The following KLRG1 variants were observed in gnomAD, a reference collection of about 807,000 sequenced individuals.
KLRG1 encodes killer cell lectin-like receptor subfamily G member 1.
In KLRG1, 16 loss-of-function variants were observed where a neutral mutation model predicts 21.8. The ratio of observed to expected loss-of-function variants is 0.73; its 90% CI spans 0.50 to 1.11. KLRG1 has a LOEUF of 1.11. Among genes scored for constraint, KLRG1 ranks in the 50% most tolerant of loss-of-function variants. The pLI, the probability that KLRG1 is intolerant of heterozygous loss-of-function variation, is 0.00. For synonymous variants in KLRG1, 69 were observed against 75.9 expected (o/e 0.91, Z 0.47); for missense variants, 173 against 218.3 (o/e 0.79, Z 1.31).
chr12:8,967,357 A>G (rs1025554594), intron 1 of KLRG1, among the ~76,000 whole-genome samples: 9 of 152,150 alleles, frequency 5.9e-5, no homozygotes, highest in African/African-American at 2.2e-4. Context: ...ATAAAATAAA[A>G]TAAAATAAAT....
At chr12:9,206,680 G>A in the KLRG1 span, among the ~76,000 whole-genome samples, 1 of 152,100 alleles carries the variant, frequency 6.6e-6, no homozygotes, top group African/African-American at 2.4e-5. Flanking sequence ...CACATCAAGG[G>A]TTAATTCTGG....
chr12:9,050,704 G>A, the KLRG1 span, among the ~76,000 whole-genome samples: 62 of 152,202 alleles, frequency 4.1e-4, 1 homozygote, highest in South Asian at 5.4e-3. Flanking sequence ...CCTGGGCCTC[G>A]CGCTCCACGG....
the KLRG1 span, among the ~76,000 whole-genome samples, chr12:9,179,433 G>A: frequency 6.6e-6 from 1 of 152,122 alleles, no homozygotes; most frequent in Non-Finnish European, 1.5e-5. Context: ...ATCACGACAT[G>A]CCAAGTGTCA....
At chr12:9,161,585 T>C in the KLRG1 span, among the ~76,000 whole-genome samples, 1 of 152,192 alleles carries the variant, frequency 6.6e-6, no homozygotes, top group African/African-American at 2.4e-5. Flanking sequence ...CTCTCCACTT[T>C]TGTAGCAATA....
At chr12:9,052,292 T>C in the KLRG1 span, among the ~76,000 whole-genome samples, 3 of 152,320 alleles carry the variant, frequency 2.0e-5, no homozygotes, top group South Asian at 6.2e-4. Context: ...ACATAATCTT[T>C]AAATAAAGAG....
intron 4 of KLRG1, among the ~76,000 whole-genome samples, 162 bp downstream of exon 4, chr12:9,009,237 C>CAAAA (rs112576720): frequency 0.052 from 5,543 of 107,546 alleles, 145 homozygotes; most frequent in African/African-American, 0.067. Flanking sequence ...TGGGTAAGGG[C>CAAAA]AAAAAAAAAA....
the KLRG1 span, chr12:9,208,496 T>C: frequency 3.4e-6 from 2 of 593,046 alleles, no homozygotes; most frequent in South Asian, 4.1e-5. Context: ...ACAGATTCCC[T>C]AAAAGGGTCA....
At chr12:9,019,927 T>C in the KLRG1 span, among the ~76,000 whole-genome samples, 1 of 152,148 alleles carries the variant, frequency 6.6e-6, no homozygotes, top group African/African-American at 2.4e-5. Context: ...TTCTTGTCTC[T>C]GTTAACAAAG....
At chr12:8,966,778 C>G (rs200495771) in intron 1 of KLRG1, among the ~76,000 whole-genome samples, 33,621 of 120,934 alleles carry the variant, frequency 0.28, 4,521 homozygotes, top group Middle Eastern at 0.39. Context: ...TCAGTGTGGC[C>G]ATTCCTCAGG....
At chr12:9,007,363 C>T (rs1486058901) in intron 3 of KLRG1, among the ~76,000 whole-genome samples, 3 of 152,132 alleles carry the variant, frequency 2.0e-5, no homozygotes, top group South Asian at 4.1e-4. Context: ...TGGGTTCAAG[C>T]GATTCTCATG....
intron 3 of KLRG1, among the ~76,000 whole-genome samples, chr12:9,005,907 C>G (rs929868727): frequency 2.6e-5 from 4 of 152,244 alleles, no homozygotes; most frequent in African/African-American, 9.6e-5. Context: ...GGGCAGAACT[C>G]AGGCGGTAAT....
chr12:9,032,154 G>A, the KLRG1 span, among the ~76,000 whole-genome samples: 2 of 152,178 alleles, frequency 1.3e-5, no homozygotes, highest in African/African-American at 2.4e-5. Flanking sequence ...TTTTGAGGGT[G>A]CAAAAAGCTA....
chr12:9,104,234 C>T, the KLRG1 span: 1 of 1,605,596 alleles, frequency 6.2e-7, no homozygotes, highest in South Asian at 1.1e-5. Flanking sequence ...TCTTTCCAAA[C>T]TTACCCTAAC....
At chr12:9,192,179 CTG>C in the KLRG1 span, 1 of 1,606,430 alleles carries the variant, frequency 6.2e-7, no homozygotes, top group South Asian at 1.1e-5. Context: ...AGAGATGAAT[CTG>C]AGGATACTCA....
At chr12:9,072,123 T>C in the KLRG1 span, among the ~76,000 whole-genome samples, 1 of 152,236 alleles carries the variant, frequency 6.6e-6, no homozygotes, top group East Asian at 1.9e-4. Context: ...TAATATTTAC[T>C]TAGTTGTTAT....
the KLRG1 span, chr12:9,028,079 C>T: frequency 1.6e-6 from 2 of 1,225,310 alleles, no homozygotes; most frequent in Non-Finnish European, 2.4e-6. Flanking sequence ...CTTGGTCAGT[C>T]ATGATTTCAA....
At chr12:9,074,563 G>T in the KLRG1 span, 1 of 1,608,652 alleles carries the variant, frequency 6.2e-7, no homozygotes, top group South Asian at 1.1e-5. Context: ...CACCAACCTG[G>T]GTGGAGGAGA....
the KLRG1 span, among the ~76,000 whole-genome samples, chr12:9,021,233 C>T: frequency 1.3e-5 from 2 of 152,028 alleles, no homozygotes; most frequent in Non-Finnish European, 2.9e-5. Flanking sequence ...CCCTGAATGA[C>T]CAATCGGTAA....
chr12:9,183,775 G>A, the KLRG1 span, among the ~76,000 whole-genome samples: 5 of 152,144 alleles, frequency 3.3e-5, no homozygotes, highest in Admixed American at 6.5e-5. Context: ...GTAGAATGTG[G>A]AATTTTTCCA....
Sources: gnomAD v4.1 joint callset for allele counts (sites outside exome capture counted in the v4.1 genomes callset) on GRCh38, gnomAD v4.1.1 for gene constraint, MANE v1.5 for transcripts, NCBI Gene and HGNC (gene_info 2026-07-23, HGNC 2026-07-21) for gene names.